ING3: variants seen among roughly 807,000 people sequenced by gnomAD.
ING3 encodes the protein inhibitor of growth protein 3.
In ING3, 6 loss-of-function variants were observed where a neutral mutation model predicts 64.8. The observed-to-expected ratio is 0.09, with a 90% confidence interval of 0.05 to 0.18. The LOEUF (loss-of-function observed/expected upper bound fraction) is 0.18, where lower values mean the gene tolerates loss of function less well. ING3 is among the 10% of genes least tolerant of loss of function. ING3 has a pLI of 1.00. For missense variants in ING3, 310 were observed against 489.7 expected, an observed-to-expected ratio of 0.63 and a Z score of 3.46; for synonymous variants, 170 against 173.7, an observed-to-expected ratio of 0.98 and a Z score of 0.17.
chr7:120,969,990 T>C (rs189730453), intron 9 of ING3, among the ~76,000 whole-genome samples: 1 of 152,348 alleles, frequency 6.6e-6, no homozygotes, highest in East Asian at 1.9e-4. Flanking sequence ...TCTATACTTT[T>C]AGAATTTAAA....
At chr7:120,957,816 A>C (rs991501982) in intron 4 of ING3, among the ~76,000 whole-genome samples, 2 of 152,234 alleles carry the variant, frequency 1.3e-5, no homozygotes, top group Non-Finnish European at 2.9e-5. Context: ...TAATGGATCC[A>C]TGCAGATGTG....
chr7:120,968,209 A>G, intron 8 of ING3, 118 bp downstream of exon 8: 1 of 911,928 alleles, frequency 1.1e-6, no homozygotes, highest in Non-Finnish European at 1.6e-6. Flanking sequence ...TTCATTTTTA[A>G]GTCATGATTT....
chr7:120,956,105 C>A lies in ING3; in HGVS notation c.267+481C>A. ...AAAAGATCGTATGTAACAGCTGTGT[C>A]AGTTGTTTAAGCAATACAAGATGAC... On this transcript the variant is annotated intron_variant, in intron 4 of 11. Coordinates refer to ENST00000315870, the MANE Select transcript of ING3 (RefSeq NM_019071.3). 2.7e-6 allele frequency: 3 copies of A among 1,131,980 alleles called. No individual in the cohort carries two copies. The South Asian group carries it at 3.8e-5, about 14-fold the overall frequency. 70.1% of individuals were successfully genotyped at this position (1,131,980 alleles called of 1,614,324 possible).
intron 4 of ING3, among the ~76,000 whole-genome samples, chr7:120,961,528 G>T (rs1795933717): frequency 6.6e-6 from 1 of 152,156 alleles, no homozygotes; most frequent in African/African-American, 2.4e-5. Context: ...GGGTCCATTA[G>T]TGATACACTT....
Position 120,974,942 on chromosome 7 carries a change from C to T in ING3, c.*98C>T, listed in dbSNP as rs551006190. On this transcript the variant is annotated 3_prime_UTR_variant, in exon 12 of 12. Transcript: ENST00000315870. ...AGAGAAAGAAGAAACAATGCATTTC[C>T]AGGCAACCACTTAAAGGATTTACAT... is the stretch of plus-strand genomic sequence containing the variant. 2.6e-6 allele frequency: 2 copies of T among 755,300 alleles called. No homozygotes were observed. The highest frequency in any genetic ancestry group is 5.5e-5 in the East Asian group (2 of 36,052). The allele number at this position is 755,300 out of a possible 1,614,324, so 46.8% of individuals were successfully genotyped here. A position where few individuals can be genotyped will look rare whatever the true frequency, so the allele number is the denominator to read the frequency against.
rs114305307 is a variant in ING3 at position 120,975,175 on chromosome 7, A to G, written c.*331A>G. 225 of 172,794 alleles carry G rather than the reference A, an allele frequency of 1.3e-3. No homozygotes were observed. The highest frequency in any genetic ancestry group is 4.8e-3 in the African/African-American group (203 of 41,962). The allele number at this position is 172,794 out of a possible 1,614,324, so 10.7% of individuals were successfully genotyped here. On this transcript the variant is annotated 3_prime_UTR_variant, in exon 12 of 12. Coordinates refer to ENST00000315870, the MANE Select transcript of ING3 (RefSeq NM_019071.3). ...ATGATTTAGACTTCAAGGAATTCCA[A>G]TGATGAAGATTTTAAGGAAAGTATT... is the stretch of plus-strand genomic sequence containing the variant.
intron 4 of ING3, chr7:120,956,934 TG>T (rs1795857362): frequency 1.9e-6 from 1 of 521,728 alleles, no homozygotes; most frequent in South Asian, 8.4e-5. Context: ...AAAGATATTT[TG>T]TGTATTTAGA....
intron 7 of ING3, 78 bp downstream of exon 7, chr7:120,967,726 T>C (rs1796014580): frequency 7.0e-7 from 1 of 1,420,762 alleles, no homozygotes; most frequent in Non-Finnish European, 9.6e-7. Flanking sequence ...TCAGGATTAA[T>C]GAATCATACA....
intron 4 of ING3, among the ~76,000 whole-genome samples, chr7:120,960,957 T>C (rs1360127383): frequency 6.6e-6 from 1 of 152,226 alleles, no homozygotes; most frequent in East Asian, 1.9e-4. Context: ...GCTTGAATGA[T>C]TTTAGCAGTC....
At chr7:120,969,725 A>G (rs1796042566) in intron 9 of ING3, among the ~76,000 whole-genome samples, 1 of 152,204 alleles carries the variant, frequency 6.6e-6, no homozygotes, top group Admixed American at 6.5e-5. Context: ...ATGAAAACCT[A>G]ATAGCATTTA....
chr7:120,964,706 A>C (rs1426890442), intron 4 of ING3, 36 bp from the exon 5 acceptor site: 1 of 1,576,900 alleles, frequency 6.3e-7, no homozygotes, highest in Non-Finnish European at 8.7e-7. Context: ...CAGTGTCCCA[A>C]ATTTTGGTGG....
At chr7:120,964,593 TA>T in intron 4 of ING3, 148 bp from the exon 5 acceptor site, 1 of 596,112 alleles carries the variant, frequency 1.7e-6, no homozygotes, top group Non-Finnish European at 3.0e-6. Context: ...TTTTATAGAT[TA>T]AAAACCTCTG....
chr7:120,968,886 A>C, intron 8 of ING3, 125 bp from the exon 9 acceptor site: 1 of 595,970 alleles, frequency 1.7e-6, no homozygotes, highest in Non-Finnish European at 2.7e-6. Context: ...CAGTGATGAA[A>C]ATAATAGTTT....
chr7:120,963,704 TTCATAGGCA>T (rs945231091), intron 4 of ING3, among the ~76,000 whole-genome samples: 2 of 152,170 alleles, frequency 1.3e-5, no homozygotes, highest in African/African-American at 4.8e-5. Flanking sequence ...TTACCTCCTC[TTCATAGGCA>T]TCTAACCCAT....
At chr7:120,959,079 C>A (rs1366060525) in intron 4 of ING3, among the ~76,000 whole-genome samples, 1 of 152,182 alleles carries the variant, frequency 6.6e-6, no homozygotes, top group African/African-American at 2.4e-5. Flanking sequence ...CATGTGACTG[C>A]CTGCTCTAGA....
rs1455458364 is a variant in ING3 at position 120,976,956 on chromosome 7, C to T, written c.*2112C>T. The T allele has an allele frequency of 1.3e-5, 2 of 152,194 alleles. No homozygotes were observed. The highest frequency in any genetic ancestry group is 4.8e-5 in the African/African-American group (2 of 41,456). 9.4% of individuals were successfully genotyped at this position (152,194 alleles called of 1,614,324 possible). On this transcript the variant is annotated 3_prime_UTR_variant, in exon 12 of 12. Coordinates refer to ENST00000315870, the MANE Select transcript of ING3 (RefSeq NM_019071.3). ...GGGGCCAAACATGGAACTACCTCAT[C>T]AACCCCCCAAAAATGTGGCCAACTA...
At position 120,973,190 on chromosome 7, in the gene ING3, A is replaced by T. The variant is rs1562978071; in HGVS notation, c.1102-15A>T. 3 of 1,441,766 alleles carry T rather than the reference A, an allele frequency of 2.1e-6. No individual in the cohort carries two copies. The highest frequency in any genetic ancestry group is 1.9e-6 in the Non-Finnish European group (2 of 1,026,426). The allele number at this position is 1,441,766 out of a possible 1,614,324, so 89.3% of individuals were successfully genotyped here. ...TACATAGTCATAATAAAGACATTTA[A>T]TTTTTTTTAACTAGGTATCTTATGG... On this transcript the variant is annotated splice_polypyrimidine_tract_variant and intron_variant, in intron 10 of 11. Transcript: ENST00000315870.
intron 10 of ING3, among the ~76,000 whole-genome samples, chr7:120,971,151 T>A (rs1796065511): frequency 6.6e-6 from 1 of 152,180 alleles, no homozygotes; most frequent in Admixed American, 6.5e-5. Context: ...GCTGCCTTAA[T>A]AAAATACAAC....
chr7:120,962,258 T>C (rs1189923847), intron 4 of ING3, among the ~76,000 whole-genome samples: 3 of 152,192 alleles, frequency 2.0e-5, no homozygotes, highest in Non-Finnish European at 4.4e-5. Context: ...CATTGCCTAA[T>C]AATTGCTTAT....
Sources: allele counts gnomAD v4.1 joint callset (sites outside exome capture counted in the v4.1 genomes callset), GRCh38; gene constraint gnomAD v4.1.1; transcripts MANE v1.5; gene names NCBI Gene and HGNC (gene_info 2026-07-23, HGNC 2026-07-21).